CELSR2: variants seen among roughly 807,000 people sequenced by gnomAD.
CELSR2 encodes the protein cadherin EGF LAG seven-pass G-type receptor 2.
In CELSR2, 81 loss-of-function variants were observed where a neutral mutation model predicts 251.6. That is an observed-to-expected ratio of 0.32 (90% CI 0.27 to 0.39). The LOEUF is 0.39. Ranked by LOEUF, CELSR2 falls within the 10% of genes least tolerant of loss-of-function variation. CELSR2 has a pLI of 1.00. For synonymous variants in CELSR2, 1,721 were observed against 1,670.5 expected, an observed-to-expected ratio of 1.03 and a Z score of -0.74; for missense variants, 3,365 against 3,947.7, an observed-to-expected ratio of 0.85 and a Z score of 3.96.
intron 6 of CELSR2, 67 bp from the exon 7 acceptor site, chr1:109,262,739 G>T (rs2101256552): frequency 6.3e-7 from 1 of 1,578,388 alleles, no homozygotes; most frequent in South Asian, 1.2e-5. Flanking sequence ...TGGCCTGGCG[G>T]CAGAGCGAGC....
In CELSR2 at chr1:109,252,285, G is replaced by A. The variant is rs758571927; in HGVS notation, c.2206G>A (p.Ala736Thr). The change falls in exon 1 of 34, where the codon GCC (alanine) becomes ACC (threonine). Residue 736 changes from alanine (A) to threonine (T), a missense_variant. Around this residue, in one of 5 missense-constraint regions of CELSR2, gnomAD observed 505 missense variants for 660.0 expected, o/e 0.77. Transcript: ENST00000271332. The surrounding 1 kb of genome is among the most constrained non-coding windows in gnomAD (Gnocchi z 4.8). ...AGGCACCACGGTGGTGCTGATCAGC[G>A]CCACGGATGAGGACACAGGTGAGAA... ...PAGTTVVLIS[A>T]TDEDTGENAR... 4 of 1,613,116 alleles carry A rather than the reference G, an allele frequency of 2.5e-6. No homozygotes were observed. In the South Asian group the frequency reaches 3.3e-5, roughly 13 times the overall value.
Position 109,269,883 on chromosome 1 carries a change from T to G in CELSR2, c.7108-50T>G. 6.2e-7 allele frequency: 1 copy of G among 1,613,576 alleles called. No homozygotes were observed. Among genetic ancestry groups the G allele is most frequent in the South Asian group, 1.1e-5 (1 of 91,076 alleles). ...GCACCCAGGGCACGGGGCTGGGTGCTCAGGTCCTGCCCTTCCTAATTCCCT... is the reference window on the plus strand; with the variant it reads ...GCACCCAGGGCACGGGGCTGGGTGCGCAGGTCCTGCCCTTCCTAATTCCCT... On this transcript the variant is annotated intron_variant, in intron 22 of 33. Transcript: ENST00000271332. The surrounding 1 kb of genome is among the most constrained non-coding windows in gnomAD (Gnocchi z 6.4).
In CELSR2 at chr1:109,258,799, C is replaced by T. The variant is rs777036290; in HGVS notation, c.3678C>T (p.Pro1226=). 1.9e-6 allele frequency: 3 copies of T among 1,610,290 alleles called. No individual in the cohort carries two copies. Among genetic ancestry groups the T allele is most frequent in the Non-Finnish European group, 2.5e-6 (3 of 1,178,466 alleles). Residue 1226 remains proline (P), a synonymous_variant, in exon 2 of 34, where the codon CCC becomes CCT. Transcript: ENST00000271332. ...CCATCTCGGCACAGCGCGTGCTGCC[C>T]TTCGACGACAACATCTGCCTGCGGG... is the stretch of plus-strand genomic sequence containing the variant. ...LTAISAQRVL[P]FDDNICLREP...
At chr1:109,254,857 G>A (rs1047209785) in intron 1 of CELSR2, among the ~76,000 whole-genome samples, 11 of 152,300 alleles carry the variant, frequency 7.2e-5, no homozygotes, top group African/African-American at 1.7e-4. Context: ...TCCAGGAGGC[G>A]GAAGAGGGAG....
chr1:109,255,347 C>G (rs568074727), intron 1 of CELSR2, among the ~76,000 whole-genome samples: 1 of 152,236 alleles, frequency 6.6e-6, no homozygotes, highest in Non-Finnish European at 1.5e-5. Flanking sequence ...TCCCACTTGC[C>G]CATTGCTGGC....
rs1471184108 is a variant in CELSR2 at position 109,269,352 on chromosome 1, G to A, written c.6812+62G>A. The stretch of plus-strand genomic sequence containing the variant: ...GGTCGGGCGGTGAGTGCTGAGGCAT[G>A]GAGGGGGTCGGGGGCGTCTCCCCAG... On this transcript the variant is annotated intron_variant, in intron 20 of 33. Transcript: ENST00000271332. This position sits in a 1 kb window ranked among gnomAD's most constrained non-coding sequence, Gnocchi z 6.4. 3 of 1,609,600 alleles carry A rather than the reference G, an allele frequency of 1.9e-6. No homozygotes were observed. The highest frequency in any genetic ancestry group is 1.3e-5 in the African/African-American group (1 of 74,814).
rs926119596 is a variant in CELSR2, at chr1:109,265,200, G to A, written c.5616G>A (p.Gln1872=). ...LGPYCETRID[Q]PCPRGWWGHP... Reference sequence around the variant, plus strand: ...GGGTCCCTCTCTGCAGGATTGACCAGCCTTGTCCCCGTGGCTGGTGGGGAC... The same window carrying A: ...GGGTCCCTCTCTGCAGGATTGACCAACCTTGTCCCCGTGGCTGGTGGGGAC... The change falls in exon 13 of 34, where the codon CAG becomes CAA. Residue 1872 remains glutamine, a synonymous_variant. Transcript: ENST00000271332. 2 of 1,603,926 alleles carry A rather than the reference G, an allele frequency of 1.2e-6. No homozygotes were observed. The highest frequency in any genetic ancestry group is 8.5e-7 in the Non-Finnish European group (1 of 1,174,392).
In CELSR2 at chr1:109,269,373, C is replaced by T; in HGVS notation, c.6813-51C>T. The T allele has an allele frequency of 6.2e-7, 1 of 1,610,154 alleles. No individual in the cohort carries two copies. Among genetic ancestry groups the T allele is most frequent in the Non-Finnish European group, 8.5e-7 (1 of 1,177,786 alleles). On this transcript the variant is annotated intron_variant, in intron 20 of 33. Coordinates refer to ENST00000271332, the MANE Select transcript of CELSR2 (RefSeq NM_001408.3). The surrounding 1 kb of genome is among the most constrained non-coding windows in gnomAD (Gnocchi z 6.4). The stretch of plus-strand genomic sequence containing the variant: ...GCATGGAGGGGGTCGGGGGCGTCTC[C>T]CCAGTCATGTGACTGCCGTGGTGAC...
At chr1:109,270,877 C>T (rs752879340) in intron 24 of CELSR2, 50 bp from the exon 25 acceptor site, 4 of 1,386,848 alleles carry the variant, frequency 2.9e-6, no homozygotes, top group East Asian at 4.6e-5. Context: ...GCCCTACTTC[C>T]CAGGCCCCTC....
Position 109,264,154 on chromosome 1 carries a change from G to C in CELSR2, c.5078G>C (p.Arg1693Pro). 1 of 1,609,798 alleles carries C rather than the reference G, an allele frequency of 6.2e-7. No individual in the cohort carries two copies. The highest frequency in any genetic ancestry group is 1.7e-5 in the Admixed American group (1 of 59,948). Residue 1693 changes from arginine to proline, a missense_variant, in exon 10 of 34, where the codon CGG (arginine) becomes CCG (proline). Around this residue, in one of 5 missense-constraint regions of CELSR2, gnomAD observed 2,093 missense variants for 2,382.8 expected, o/e 0.88. Transcript: ENST00000271332. ...TCCTCTCTCCGTCTGGAGCCAGGCCGGGCCAATGACGGTGACTGGCACCAT... is the reference window on the plus strand; with the variant it reads ...TCCTCTCTCCGTCTGGAGCCAGGCCCGGCCAATGACGGTGACTGGCACCAT... Reference protein sequence around the residue: ...QASSLRLEPGRANDGDWHHAQ... With the variant: ...QASSLRLEPGPANDGDWHHAQ...
intron 33 of CELSR2, 52 bp from the exon 34 acceptor site, chr1:109,273,970 C>T: frequency 1.2e-6 from 2 of 1,605,674 alleles, no homozygotes; most frequent in Non-Finnish European, 1.7e-6. Flanking sequence ...TCCTCTGTTT[C>T]AACTAACCCT....
Position 109,269,098 on chromosome 1 carries a change from G to A in CELSR2, c.6632-12G>A. ...GCAGGGCCCAGCTAAGTGTGACAGT[G>A]TCCCCTCCCAGAGACGCCCCCCGTG... On this transcript the variant is annotated splice_polypyrimidine_tract_variant and intron_variant, in intron 19 of 33. Coordinates refer to ENST00000271332, the MANE Select transcript of CELSR2 (RefSeq NM_001408.3). This position sits in a 1 kb window ranked among gnomAD's most constrained non-coding sequence, Gnocchi z 6.4. The A allele has an allele frequency of 1.9e-6, 3 of 1,598,394 alleles. No homozygotes were observed. The highest frequency in any genetic ancestry group is 2.6e-6 in the Non-Finnish European group (3 of 1,171,134).
At position 109,252,849 on chromosome 1, in the gene CELSR2, G is replaced by T; in HGVS notation, c.2770G>T (p.Asp924Tyr). ...VNDNPPVFEQ[D>Y]EFDVFVEENS... ...TGACAATCCCCCTGTCTTTGAGCAG[G>T]ATGAGTTTGATGTGTTTGTGGAAGA... Residue 924 changes from aspartate (D) to tyrosine (Y), a missense_variant, in exon 1 of 34, where the codon GAT becomes TAT. Around this residue, in one of 5 missense-constraint regions of CELSR2, gnomAD observed 505 missense variants for 660.0 expected, o/e 0.77. Transcript: ENST00000271332. This position sits in a 1 kb window ranked among gnomAD's most constrained non-coding sequence, Gnocchi z 4.8. 6.2e-7 allele frequency: 1 copy of T among 1,613,706 alleles called. No homozygotes were observed. The highest frequency in any genetic ancestry group is 8.5e-7 in the Non-Finnish European group (1 of 1,179,810).
rs954023067 is a variant in CELSR2, at chr1:109,250,265, G to A, written c.186G>A (p.Ala62=). Residue 62 remains alanine (A), a synonymous_variant, in exon 1 of 34, where the codon GCG becomes GCA. Transcript: ENST00000271332. This position sits in a 1 kb window ranked among gnomAD's most constrained non-coding sequence, Gnocchi z 4.4. The part of the protein sequence containing the change: ...APMGWLCPSS[A]SNLWLYTSRC... ...TGGGCTGGCTCTGTCCATCCTCAGC[G>A]TCGAACCTCTGGCTCTACACCAGCC... is the stretch of plus-strand genomic sequence containing the variant. 3.7e-6 allele frequency: 6 copies of A among 1,612,390 alleles called. No homozygotes were observed. The highest frequency in any genetic ancestry group is 2.7e-5 in the African/African-American group (2 of 74,928).
Position 109,251,072 on chromosome 1 carries a change from G to C in CELSR2, c.993G>C (p.Gly331=), listed in dbSNP as rs1486647531. The change falls in exon 1 of 34, where the codon GGG becomes GGC. Residue 331 remains glycine, a synonymous_variant. Transcript: ENST00000271332. The surrounding 1 kb of genome is among the most constrained non-coding windows in gnomAD (Gnocchi z 4.9). ...ATATTCTGTACCGCCTGCTGGAGGG[G>C]TCTGGGGGCAGCCCCTCTGAAGTCT... ...NANILYRLLE[G]SGGSPSEVFE... 5 of 1,613,500 alleles carry C rather than the reference G, an allele frequency of 3.1e-6. No homozygotes were observed. The highest frequency in any genetic ancestry group is 4.2e-6 in the Non-Finnish European group (5 of 1,179,948).
intron 1 of CELSR2, 82 bp downstream of exon 1, chr1:109,253,471 C>T: frequency 6.7e-7 from 1 of 1,496,656 alleles, no homozygotes; most frequent in Non-Finnish European, 8.9e-7. Flanking sequence ...GGGTGCGATC[C>T]AGGAAGCAGC....
chr1:109,263,006 A>G, intron 7 of CELSR2, 37 bp downstream of exon 7: 1 of 1,604,086 alleles, frequency 6.2e-7, no homozygotes, highest in Non-Finnish European at 8.5e-7. Flanking sequence ...CTGGGATCCC[A>G]GTGCTGAGAG....
In CELSR2 at chr1:109,258,744, G is replaced by A. The variant is rs1318108861; in HGVS notation, c.3623G>A (p.Arg1208His). The stretch of plus-strand genomic sequence containing the variant: ...CTGCCCTCTGAGGACCTGCAGGAGC[G>A]CCTATACCTCAACCGCAGCCTGCTG... ...PFLPSEDLQE[R>H]LYLNRSLLTA... is the part of the protein sequence containing the mutation. The change falls in exon 2 of 34, where the codon CGC (arginine) becomes CAC (histidine). Residue 1208 changes from arginine to histidine, a missense_variant. By Grantham distance (29) the Arg-to-His change is conservative. Transcript: ENST00000271332. 3 of 1,571,110 alleles carry A rather than the reference G, an allele frequency of 1.9e-6. No individual in the cohort carries two copies. Among genetic ancestry groups the A allele is most frequent in the South Asian group, 1.2e-5 (1 of 86,028 alleles).
In CELSR2 at chr1:109,274,051, C is replaced by T. The variant is rs1656454405; in HGVS notation, c.*2C>T. 2 of 1,614,140 alleles carry T rather than the reference C, an allele frequency of 1.2e-6. No individual in the cohort carries two copies. Among genetic ancestry groups the T allele is most frequent in the Non-Finnish European group, 8.5e-7 (1 of 1,180,026 alleles). ...CTCTTCTTTAACTTCCTGCATTAAC[C>T]CTGGGCCGTGGTTCCTACGCCCGAG... On this transcript the variant is annotated 3_prime_UTR_variant, in exon 34 of 34. Transcript: ENST00000271332.
Sources: allele counts gnomAD v4.1 joint callset (sites outside exome capture counted in the v4.1 genomes callset), GRCh38; gene constraint gnomAD v4.1.1; regional missense constraint gnomAD v4.1.1; non-coding constraint Gnocchi (gnomAD v3.1); transcripts MANE v1.5; gene names NCBI Gene and HGNC (gene_info 2026-07-23, HGNC 2026-07-21).